The following TMC1 variants were observed in gnomAD, a reference collection of about 807,000 sequenced individuals.
TMC1 encodes transmembrane channel-like protein 1.
Under a neutral mutation model 105.8 loss-of-function variants are expected in TMC1, and 84 were observed. The observed-to-expected ratio is 0.79, with a 90% CI of 0.67 to 0.95. The LOEUF is 0.95. Among genes scored for constraint, TMC1 ranks in the 40% least tolerant of loss-of-function variants. The pLI, the probability that TMC1 is intolerant of heterozygous loss-of-function variation, is 0.00. For missense variants in TMC1, 817 were observed against 914.1 expected, an observed-to-expected ratio of 0.89 and a Z score of 1.37; for synonymous variants, 315 against 311.5, an observed-to-expected ratio of 1.01 and a Z score of -0.12.
intron 8 of TMC1, among the ~76,000 whole-genome samples, chr9:72,728,570 T>A (rs2117974364): frequency 6.6e-6 from 1 of 152,264 alleles, no homozygotes; most frequent in East Asian, 1.9e-4. Context: ...CACATAATCC[T>A]GACATGGCAT....
chr9:72,710,044 T>C (rs1432814090), intron 8 of TMC1, among the ~76,000 whole-genome samples: 2 of 152,178 alleles, frequency 1.3e-5, no homozygotes, highest in Non-Finnish European at 2.9e-5. Flanking sequence ...TTTTGATAGG[T>C]TGTGTCACTA....
chr9:72,692,554 T>C (rs1826483328), intron 6 of TMC1, among the ~76,000 whole-genome samples: 1 of 152,156 alleles, frequency 6.6e-6, no homozygotes. Flanking sequence ...ATCCCAGTAG[T>C]TTAGTTTTAA....
At chr9:72,629,614 G>A (rs75698784) in intron 4 of TMC1, among the ~76,000 whole-genome samples, 1,672 of 152,144 alleles carry the variant, frequency 0.011, 40 homozygotes, top group African/African-American at 0.037. Flanking sequence ...TTGGGAAAAG[G>A]CAAAAGACAC....
chr9:72,623,510 T>C (rs1367661009), intron 3 of TMC1, among the ~76,000 whole-genome samples: 1 of 152,174 alleles, frequency 6.6e-6, no homozygotes, highest in Non-Finnish European at 1.5e-5. Flanking sequence ...AATGTCACTC[T>C]ACTCCAAGAA....
chr9:72,544,762 G>A (rs1250268952), intron 1 of TMC1, among the ~76,000 whole-genome samples: 2 of 149,592 alleles, frequency 1.3e-5, no homozygotes, highest in Admixed American at 1.3e-4. Context: ...TTACAGGCAT[G>A]AGCCAGCGCT....
chr9:72,736,980 A>T (rs1384151593), intron 8 of TMC1, among the ~76,000 whole-genome samples: 1 of 152,194 alleles, frequency 6.6e-6, no homozygotes, highest in Non-Finnish European at 1.5e-5. Flanking sequence ...ATGGCAGTTT[A>T]CTTTGAAAAA....
At chr9:72,782,735 G>T (rs72733074) in intron 13 of TMC1, among the ~76,000 whole-genome samples, 9,200 of 152,208 alleles carry the variant, frequency 0.06, 345 homozygotes, top group Non-Finnish European at 0.085. Flanking sequence ...GCTAACCAGG[G>T]AGGTGAAAGA....
intron 8 of TMC1, among the ~76,000 whole-genome samples, chr9:72,714,569 C>T (rs563682108): frequency 8.6e-5 from 13 of 151,052 alleles, no homozygotes; most frequent in Admixed American, 2.7e-4. Flanking sequence ...TCTGTTTTGT[C>T]GGAGACTAGG....
intron 2 of TMC1, among the ~76,000 whole-genome samples, chr9:72,604,018 C>A (rs1240257494): frequency 6.6e-6 from 1 of 151,960 alleles, no homozygotes; most frequent in Non-Finnish European, 1.5e-5. Flanking sequence ...AGGTGCCCAC[C>A]ACCATGCCTG....
chr9:72,526,050 G>A (rs1459775617), intron 1 of TMC1, among the ~76,000 whole-genome samples: 4 of 151,916 alleles, frequency 2.6e-5, no homozygotes, highest in African/African-American at 4.8e-5. Flanking sequence ...AGTGTCATTC[G>A]CTAATCTTGC....
intron 5 of TMC1, among the ~76,000 whole-genome samples, chr9:72,669,765 T>A (rs1247379228): frequency 6.6e-6 from 1 of 152,044 alleles, no homozygotes; most frequent in African/African-American, 2.4e-5. Flanking sequence ...CACAAATAGA[T>A]TTCTCAATGT....
At chr9:72,794,800 G>C (rs544306249) in intron 17 of TMC1, among the ~76,000 whole-genome samples, 1 of 152,146 alleles carries the variant, frequency 6.6e-6, no homozygotes, top group Non-Finnish European at 1.5e-5. Flanking sequence ...GACTGAAATA[G>C]AATTCAGACT....
chr9:72,522,687 T>TA (rs1316610449), intron 1 of TMC1, among the ~76,000 whole-genome samples: 6 of 152,228 alleles, frequency 3.9e-5, no homozygotes, highest in African/African-American at 9.6e-5. Flanking sequence ...GCTTATTAGT[T>TA]ATAACATACA....
intron 8 of TMC1, among the ~76,000 whole-genome samples, chr9:72,723,595 G>T (rs1827068197): frequency 6.6e-6 from 1 of 152,068 alleles, no homozygotes; most frequent in Non-Finnish European, 1.5e-5. Context: ...AAATTATTGT[G>T]GTTAACTTTA....
intron 6 of TMC1, among the ~76,000 whole-genome samples, chr9:72,692,353 T>G (rs1329494929): frequency 2.0e-5 from 3 of 152,160 alleles, no homozygotes; most frequent in African/African-American, 7.2e-5. Flanking sequence ...AGAGGGATTA[T>G]GGTGTGAGGG....
intron 13 of TMC1, among the ~76,000 whole-genome samples, chr9:72,774,370 G>A (rs749066608): frequency 9.9e-5 from 15 of 151,958 alleles, no homozygotes; most frequent in African/African-American, 1.7e-4. Context: ...TCATTTTAAC[G>A]AACAATCAAT....
intron 10 of TMC1, among the ~76,000 whole-genome samples, chr9:72,744,125 A>C (rs973933370): frequency 6.6e-6 from 1 of 152,218 alleles, no homozygotes; most frequent in African/African-American, 2.4e-5. Flanking sequence ...GGGAATTATT[A>C]AGTGGCAATG....
intron 1 of TMC1, among the ~76,000 whole-genome samples, chr9:72,533,994 G>A (rs186106764): frequency 1.3e-5 from 2 of 152,178 alleles, no homozygotes; most frequent in South Asian, 2.1e-4. Flanking sequence ...TTAGCCGGGT[G>A]TGATGGTGCA....
At chr9:72,557,311 C>A (rs993229365) in intron 1 of TMC1, among the ~76,000 whole-genome samples, 1 of 152,044 alleles carries the variant, frequency 6.6e-6, no homozygotes, top group South Asian at 2.1e-4. Flanking sequence ...GCAAAGATTG[C>A]AGTGAGCTAA....
Sources: gnomAD v4.1 joint callset for allele counts (sites outside exome capture counted in the v4.1 genomes callset) on GRCh38, gnomAD v4.1.1 for gene constraint, MANE v1.5 for transcripts, NCBI Gene and HGNC (gene_info 2026-07-23, HGNC 2026-07-21) for gene names.